The following LGR5 variants were observed in gnomAD, a reference collection of about 807,000 sequenced individuals.
LGR5 encodes the protein leucine rich repeat containing G protein-coupled receptor 5.
LGR5 carries 54 observed loss-of-function variants against 76.7 expected under a neutral mutation model. That is an observed-to-expected ratio of 0.70 (90% CI 0.57 to 0.88). LGR5 has a LOEUF of 0.88. Ranked by LOEUF, LGR5 falls within the 40% of genes least tolerant of loss-of-function variation. The pLI is 0.00. For missense variants in LGR5, 1,078 were observed against 1,073.3 expected (o/e 1.00, Z -0.06); for synonymous variants, 406 against 421.9 (o/e 0.96, Z 0.46).
At chr12:71,552,721 G>A (rs1436181257) in intron 4 of LGR5, among the ~76,000 whole-genome samples, 1 of 152,096 alleles carries the variant, frequency 6.6e-6, no homozygotes, top group Admixed American at 6.6e-5. Context: ...GGTGGGAGGA[G>A]GAAAAGGATA....
chr12:71,440,371 C>T lies in LGR5; in HGVS notation c.212+79C>T. The T allele has an allele frequency of 7.1e-7, 1 of 1,402,482 alleles. No homozygotes were observed. The highest frequency in any genetic ancestry group is 2.3e-5 in the East Asian group (1 of 42,716). 86.9% of individuals were successfully genotyped at this position (1,402,482 alleles called of 1,614,324 possible). On this transcript the variant is annotated intron_variant, in intron 1 of 17. Transcript: ENST00000266674. The surrounding 1 kb of genome is among the most constrained non-coding windows in gnomAD (Gnocchi z 5.3). ...TCGTCCAAGGCGAGGCTGGAGGCTC[C>T]TCGGCGCCCGCCTGCTCGTGGGGGA...
At chr12:71,499,963 C>T (rs138295960) in intron 1 of LGR5, among the ~76,000 whole-genome samples, 1 of 152,068 alleles carries the variant, frequency 6.6e-6, no homozygotes, top group East Asian at 1.9e-4. Context: ...AGTACAAGGG[C>T]TTAACCAAAG....
chr12:71,480,576 T>G (rs12810493), intron 1 of LGR5, among the ~76,000 whole-genome samples: 13,643 of 151,786 alleles, frequency 0.09, 656 homozygotes, highest in Non-Finnish European at 0.11. Context: ...TGAAGAAAAA[T>G]TTTACTGGAA....
intron 4 of LGR5, among the ~76,000 whole-genome samples, chr12:71,535,389 T>C (rs559412765): frequency 6.6e-6 from 1 of 152,284 alleles, no homozygotes; most frequent in East Asian, 1.9e-4. Flanking sequence ...TTTGGGGTTT[T>C]AGGGTGGACA....
Position 71,561,826 on chromosome 12 carries a change from T to C in LGR5, c.831T>C (p.Phe277=). 1 of 1,606,022 alleles carries C rather than the reference T, an allele frequency of 6.2e-7. No individual in the cohort carries two copies. Among genetic ancestry groups the C allele is most frequent in the Non-Finnish European group, 8.5e-7 (1 of 1,174,160 alleles). Reference sequence around the variant, plus strand: ...TCAGGTCGATACCTGAGAAAGCATTTGTAGGCAACCCTTCTCTTATTACAA... The same window carrying C: ...TCAGGTCGATACCTGAGAAAGCATTCGTAGGCAACCCTTCTCTTATTACAA... ...NNIRSIPEKA[F]VGNPSLITIH... The change falls in exon 8 of 18, where the codon TTT becomes TTC. Residue 277 remains phenylalanine, a synonymous_variant. Transcript: ENST00000266674.
At chr12:71,559,252 C>T (rs1565755513) in intron 6 of LGR5, among the ~76,000 whole-genome samples, 1 of 151,234 alleles carries the variant, frequency 6.6e-6, no homozygotes, top group African/African-American at 2.4e-5. Context: ...AGTTGAAGAG[C>T]TCCATCCGCC....
At chr12:71,491,414 G>T (rs1300412689) in intron 1 of LGR5, among the ~76,000 whole-genome samples, 2 of 152,046 alleles carry the variant, frequency 1.3e-5, no homozygotes, top group Non-Finnish European at 2.9e-5. Flanking sequence ...GTTCAGGTGA[G>T]AGGGAAATTC....
chr12:71,567,321 C>G, intron 11 of LGR5: 1 of 202,240 alleles, frequency 4.9e-6, no homozygotes, highest in East Asian at 1.1e-4. Context: ...TAAAGGTGAT[C>G]AAACATCCTT....
intron 1 of LGR5, among the ~76,000 whole-genome samples, chr12:71,443,297 C>T (rs999475243): frequency 2.0e-5 from 3 of 152,066 alleles, no homozygotes; most frequent in Non-Finnish European, 2.9e-5. Flanking sequence ...CTTTTTTTCC[C>T]AGAAAAGCAA....
intron 13 of LGR5, among the ~76,000 whole-genome samples, chr12:71,575,588 G>A (rs1472482676): frequency 6.6e-6 from 1 of 152,120 alleles, no homozygotes; most frequent in African/African-American, 2.4e-5. Context: ...GTGGGCACCT[G>A]TAATCCCAGC....
intron 1 of LGR5, among the ~76,000 whole-genome samples, chr12:71,483,610 A>G (rs1013959338): frequency 5.3e-5 from 8 of 152,204 alleles, no homozygotes; most frequent in African/African-American, 1.9e-4. Flanking sequence ...CTGGCCTCAC[A>G]AGCCTTGGAG....
intron 4 of LGR5, among the ~76,000 whole-genome samples, chr12:71,538,151 A>C (rs1447970914): frequency 6.6e-6 from 1 of 152,154 alleles, no homozygotes; most frequent in Non-Finnish European, 1.5e-5. Flanking sequence ...AGGCCTTCTC[A>C]ACACTGGCTA....
At chr12:71,561,903 A>G (rs1460994157) in intron 8 of LGR5, 51 bp downstream of exon 8, 1 of 1,057,856 alleles carries the variant, frequency 9.5e-7, no homozygotes, top group Non-Finnish European at 1.4e-6. Flanking sequence ...TATAGCATAT[A>G]TTATACTTTG....
chr12:71,553,161 GC>G lies in LGR5; in HGVS notation c.518del (p.Ala173GlyfsTer2), dbSNP rs1360871535. ...GAGGCACCTGTGGCTGGATGACAATGCGTTAACAGAAATCCCCGTCCAGGCT... is the reference window on the plus strand; with the variant it reads ...GAGGCACCTGTGGCTGGATGACAATGGTTAACAGAAATCCCCGTCCAGGCT... Reference protein sequence around the residue: ...SLRHLWLDDNALTEIPVQAFR... With the variant: ...SLRHLWLDDNXLTEIPVQAFR... On this transcript the variant is annotated frameshift_variant, in exon 5 of 18. Transcript: ENST00000266674. LOFTEE classifies it high-confidence loss of function. 6.2e-7 allele frequency: 1 copy of G among 1,613,952 alleles called. No homozygotes were observed. The highest frequency in any genetic ancestry group is 8.5e-7 in the Non-Finnish European group (1 of 1,180,022).
chr12:71,582,400 T>C (rs1879129089), intron 16 of LGR5, 56 bp from the exon 17 acceptor site: 5 of 1,413,318 alleles, frequency 3.5e-6, no homozygotes, highest in Non-Finnish European at 5.0e-6. Context: ...ACTCTGGGAT[T>C]TGGTCCCTTG....
intron 1 of LGR5, among the ~76,000 whole-genome samples, chr12:71,502,358 C>T (rs770337317): frequency 3.3e-5 from 5 of 151,808 alleles, no homozygotes; most frequent in African/African-American, 7.3e-5. Flanking sequence ...CCACCATGCC[C>T]GGCTAATTTT....
At chr12:71,552,979 CT>C (rs1877564693) in intron 4 of LGR5, 93 bp from the exon 5 acceptor site, 1 of 1,137,174 alleles carries the variant, frequency 8.8e-7, no homozygotes, top group Admixed American at 1.9e-5. Flanking sequence ...CTGTTCCACT[CT>C]TGTTCATCAT....
At chr12:71,446,611 G>A (rs1469609476) in intron 1 of LGR5, among the ~76,000 whole-genome samples, 1 of 152,094 alleles carries the variant, frequency 6.6e-6, no homozygotes, top group Non-Finnish European at 1.5e-5. Context: ...TATCTTCAGG[G>A]CCAGTTTACA....
intron 1 of LGR5, among the ~76,000 whole-genome samples, chr12:71,452,090 G>A (rs1192291212): frequency 2.6e-5 from 4 of 152,190 alleles, no homozygotes; most frequent in East Asian, 1.9e-4. Context: ...ATTCCTTCCC[G>A]TGGAAACCAC....
Sources: gnomAD v4.1 joint callset for allele counts (sites outside exome capture counted in the v4.1 genomes callset) on GRCh38, gnomAD v4.1.1 for gene constraint, Gnocchi (gnomAD v3.1) non-coding constraint, MANE v1.5 for transcripts, NCBI Gene and HGNC (gene_info 2026-07-23, HGNC 2026-07-21) for gene names.